The following DICER1 variants were observed in gnomAD, a reference collection of about 807,000 sequenced individuals.
DICER1 encodes endoribonuclease Dicer.
A neutral mutation model predicts 194.1 loss-of-function variants in DICER1; 43 were observed. The observed-to-expected ratio is 0.22, with a 90% CI of 0.17 to 0.29. DICER1 has a LOEUF of 0.29. DICER1 is among the 10% of genes least tolerant of loss of function. The probability of loss-of-function intolerance (pLI) is 1.00; values close to 1 mark genes in which losing one functional copy is unlikely to be tolerated. For missense variants in DICER1, 1,608 were observed against 2,317.0 expected (o/e 0.69, Z 6.28); for synonymous variants, 832 against 820.5 (o/e 1.01, Z -0.24).
rs766492523 is a variant in DICER1 at position 95,115,779 on chromosome 14, T to C, written c.1795A>G (p.Thr599Ala). The change falls in exon 11 of 27, where the codon ACT becomes GCT. Residue 599 changes from threonine (T) to alanine (A), a missense_variant. Around this residue, in one of 10 missense-constraint regions of DICER1, gnomAD observed 657 missense variants for 910.1 expected, o/e 0.72. Coordinates refer to ENST00000343455, the MANE Select transcript of DICER1 (RefSeq NM_177438.3). ...TCATCCATGACAGGATCAATGTCAG[T>C]CTCACCAGTATCAACCGACTTGGAA... ...KCSKSVDTGE[T>A]DIDPVMDDDD... 11 of 1,614,130 alleles carry C rather than the reference T, an allele frequency of 6.8e-6. No individual in the cohort carries two copies. The Admixed American group carries it at 1.0e-4, about 15-fold the overall frequency.
At chr14:95,090,821 G>A (rs1595311646) in intron 26 of DICER1, 158 bp from the exon 27 acceptor site, 7 of 1,003,924 alleles carry the variant, frequency 7.0e-6, no homozygotes, top group Non-Finnish European at 9.3e-6. Flanking sequence ...GCATACCCCC[G>A]ACAGACAGGG....
At chr14:95,128,426 T>C (rs1168652588) in intron 6 of DICER1, among the ~76,000 whole-genome samples, 2 of 152,212 alleles carry the variant, frequency 1.3e-5, no homozygotes, top group Non-Finnish European at 2.9e-5. Flanking sequence ...CACCACAGTG[T>C]TGGCTCAAGA....
rs527499488 is a variant in DICER1 at position 95,146,865 on chromosome 14, AT to A, written c.-46+10364del. Among the ~76,000 whole-genome samples, 231 of 152,298 alleles carry A rather than the reference AT, an allele frequency of 1.5e-3. 1 individual carries two copies. The highest frequency in any genetic ancestry group is 2.4e-3 in the Admixed American group (37 of 15,308). On this transcript the variant is annotated intron_variant, in intron 1 of 26. Coordinates refer to ENST00000343455, the MANE Select transcript of DICER1 (RefSeq NM_177438.3). ...GAACACTTTTATTTACAGTGAGACTATAATTATGTCTTAGTTAAAAACTAAA... is the reference window on the plus strand; with the variant it reads ...GAACACTTTTATTTACAGTGAGACTAAATTATGTCTTAGTTAAAAACTAAA...
Position 95,090,480 on chromosome 14 carries a change from G to C in DICER1, c.*18C>G, listed in dbSNP as rs1051046532. Reference sequence around the variant, plus strand: ...TTTTTTTTGTTTTGTTTCTTGTTTTGAATTTTAAAAAGCGGTTTCAGCTAT... The same window carrying C: ...TTTTTTTTGTTTTGTTTCTTGTTTTCAATTTTAAAAAGCGGTTTCAGCTAT... On this transcript the variant is annotated 3_prime_UTR_variant, in exon 27 of 27. Transcript: ENST00000343455. 48 of 1,611,894 alleles carry C rather than the reference G, an allele frequency of 3.0e-5. No individual in the cohort carries two copies. Among genetic ancestry groups the C allele is most frequent in the Non-Finnish European group, 3.6e-5 (43 of 1,179,386 alleles).
At chr14:95,119,682 T>C (rs948586872) in intron 8 of DICER1, among the ~76,000 whole-genome samples, 1 of 152,242 alleles carries the variant, frequency 6.6e-6, no homozygotes, top group African/African-American at 2.4e-5. Flanking sequence ...TGCACAGTGT[T>C]TCTGAAACGA....
intron 8 of DICER1, among the ~76,000 whole-genome samples, chr14:95,122,820 A>G (rs1490796195): frequency 3.3e-5 from 5 of 152,232 alleles, no homozygotes; most frequent in Admixed American, 2.6e-4. Context: ...TATGAAAATT[A>G]CCAGACTAAA....
chr14:95,129,707 A>G (rs1468339172), intron 5 of DICER1, 75 bp from the exon 6 acceptor site: 1 of 1,346,198 alleles, frequency 7.4e-7, no homozygotes, highest in Non-Finnish European at 1.0e-6. Context: ...CGCCATATTA[A>G]AACATATCAA....
chr14:95,138,507 T>G (rs1292260205), intron 1 of DICER1, among the ~76,000 whole-genome samples: 1 of 151,842 alleles, frequency 6.6e-6, no homozygotes, highest in Non-Finnish European at 1.5e-5. Flanking sequence ...CAAAAAACCA[T>G]GTGTAAGAAA....
intron 10 of DICER1, 82 bp from the exon 11 acceptor site, chr14:95,115,903 ACT>A: frequency 7.1e-7 from 1 of 1,407,302 alleles, no homozygotes; most frequent in South Asian, 1.2e-5. Context: ...TACAGAAAAA[ACT>A]CTCCTGAAAA....
Position 95,124,126 on chromosome 14 carries a change from G to A in DICER1, c.1376+70C>T, listed in dbSNP as rs1361687347. 4.4e-6 allele frequency: 5 copies of A among 1,134,602 alleles called. No individual in the cohort carries two copies. The highest frequency in any genetic ancestry group is 2.5e-5 in the South Asian group (2 of 79,756). 70.3% of individuals were successfully genotyped at this position (1,134,602 alleles called of 1,614,324 possible). A position where few individuals can be genotyped will look rare whatever the true frequency, so the allele number is the denominator to read the frequency against. On this transcript the variant is annotated intron_variant, in intron 8 of 26. Transcript: ENST00000343455. This position sits in a 1 kb window ranked among gnomAD's most constrained non-coding sequence, Gnocchi z 4.5. ...CCTCATGCTAGCTCTTACAGCTGCT[G>A]CAGCGCATCACATCACAACACAGGA... is the stretch of plus-strand genomic sequence containing the variant.
intron 1 of DICER1, among the ~76,000 whole-genome samples, chr14:95,147,356 C>A (rs1364749505): frequency 5.3e-5 from 8 of 152,124 alleles, no homozygotes; most frequent in African/African-American, 1.9e-4. Context: ...GTCCCAACTC[C>A]TCAGGAGGCT....
chr14:95,130,334 C>T (rs895009956), intron 4 of DICER1, 142 bp from the exon 5 acceptor site: 1 of 765,528 alleles, frequency 1.3e-6, no homozygotes, highest in African/African-American at 1.8e-5. Context: ...ATACTAAATA[C>T]ATATAATTTT....
At chr14:95,099,714 A>C in intron 22 of DICER1, 66 bp downstream of exon 22, 1 of 1,555,192 alleles carries the variant, frequency 6.4e-7, no homozygotes, top group Non-Finnish European at 8.6e-7. Flanking sequence ...GCTCACCGAA[A>C]AGTAAATCCC....
chr14:95,099,813 T>C lies in DICER1; in HGVS notation c.4173A>G (p.Lys1391=). 1 of 1,613,924 alleles carries C rather than the reference T, an allele frequency of 6.2e-7. No individual in the cohort carries two copies. Among genetic ancestry groups the C allele is most frequent in the Admixed American group, 1.7e-5 (1 of 60,000 alleles). ...CTTTTTCCCATTTATCTGTGTTGCT[T>C]TTGTCTTGATTTACTACATAACCAG... The part of the protein sequence containing the change: ...LPPGYVVNQD[K]SNTDKWEKDE... The change falls in exon 22 of 27, where the codon AAA becomes AAG. Residue 1391 remains lysine, a synonymous_variant. Coordinates refer to ENST00000343455, the MANE Select transcript of DICER1 (RefSeq NM_177438.3).
intron 1 of DICER1, among the ~76,000 whole-genome samples, chr14:95,140,340 T>G (rs1044084512): frequency 6.6e-6 from 1 of 152,174 alleles, no homozygotes; most frequent in Non-Finnish European, 1.5e-5. Flanking sequence ...ACCTTTTCTA[T>G]GCTTAGGTAT....
intron 1 of DICER1, among the ~76,000 whole-genome samples, chr14:95,149,967 T>G (rs1895405713): frequency 6.6e-6 from 1 of 152,240 alleles, no homozygotes; most frequent in South Asian, 2.1e-4. Context: ...AGGTATCAGT[T>G]AGTGCAATGA....
intron 2 of DICER1, 121 bp from the exon 3 acceptor site, chr14:95,132,798 A>AT: frequency 3.2e-6 from 3 of 948,762 alleles, no homozygotes; most frequent in Non-Finnish European, 4.8e-6. Flanking sequence ...CAATAAATTT[A>AT]CAAAAAAAAC....
rs1332210626 is a variant in DICER1, at chr14:95,086,960, G to A, written c.*3538C>T. On this transcript the variant is annotated 3_prime_UTR_variant, in exon 27 of 27. Coordinates refer to ENST00000343455, the MANE Select transcript of DICER1 (RefSeq NM_177438.3). ...GTTAAAGACTCTTAACATAATTTCA[G>A]ATGCAGTTAAAAAAAGGTATCAAGG... 1 of 232,842 alleles carries A rather than the reference G, an allele frequency of 4.3e-6. No homozygotes were observed. The highest frequency in any genetic ancestry group is 8.5e-6 in the Non-Finnish European group (1 of 117,930). 14.4% of individuals were successfully genotyped at this position (232,842 alleles called of 1,614,324 possible). A position where few individuals can be genotyped will look rare whatever the true frequency, so the allele number is the denominator to read the frequency against.
chr14:95,116,918 A>T (rs1006286405), intron 9 of DICER1, among the ~76,000 whole-genome samples: 6 of 152,230 alleles, frequency 3.9e-5, no homozygotes, highest in African/African-American at 1.4e-4. Context: ...CCAATTCAGG[A>T]TAAATTAAAT....
Sources: allele counts gnomAD v4.1 joint callset (sites outside exome capture counted in the v4.1 genomes callset), GRCh38; gene constraint gnomAD v4.1.1; regional missense constraint gnomAD v4.1.1; non-coding constraint Gnocchi (gnomAD v3.1); transcripts MANE v1.5; gene names NCBI Gene and HGNC (gene_info 2026-07-23, HGNC 2026-07-21).